TXNL4A: variants seen among roughly 807,000 people sequenced by gnomAD.
TXNL4A encodes thioredoxin like 4A, also known as thioredoxin-like protein 4A.
In TXNL4A, 17 loss-of-function variants were observed where a neutral mutation model predicts 14.6. That is an observed-to-expected ratio of 1.16 (90% CI 0.80 to 1.74). TXNL4A has a LOEUF of 1.74. Among genes scored for constraint, TXNL4A ranks in the 40% most tolerant of loss-of-function variants. TXNL4A has a pLI of 0.00. For missense variants in TXNL4A, 74 were observed against 195.2 expected (o/e 0.38, Z 3.70); for synonymous variants, 83 against 70.6 (o/e 1.18, Z -0.88).
chr18:79,988,376 G>T lies in TXNL4A; in HGVS notation c.17C>A (p.Pro6Gln). The T allele has an allele frequency of 6.5e-7, 1 of 1,530,282 alleles. No individual in the cohort carries two copies. Among genetic ancestry groups the T allele is most frequent in the Non-Finnish European group, 8.8e-7 (1 of 1,131,140 alleles). The allele number at this position is 1,530,282 out of a possible 1,614,324, so 94.8% of individuals were successfully genotyped here. MSYML[P>Q]HLHNGWQVDQ... is the part of the protein sequence containing the mutation. ...CACCTGCCAGCCGTTGTGCAGGTGCGGGAGCATGTACGACATGGCGGCCCG... is the reference window on the plus strand; with the variant it reads ...CACCTGCCAGCCGTTGTGCAGGTGCTGGAGCATGTACGACATGGCGGCCCG... Residue 6 changes from proline to glutamine, a missense_variant, in exon 1 of 3, where the codon CCG becomes CAG. Pro to Gln is a moderately conservative substitution (Grantham distance 76, BLOSUM62 -1). Around this residue, in one of 3 missense-constraint regions of TXNL4A, gnomAD observed 55 missense variants for 116.1 expected, o/e 0.47. Coordinates refer to ENST00000269601, the MANE Select transcript of TXNL4A (RefSeq NM_006701.5).
At chr18:79,989,780 T>C (rs2051612551), upstream of TXNL4A, among the ~76,000 whole-genome samples, 1 of 152,008 alleles carries the variant, frequency 6.6e-6, no homozygotes, top group South Asian at 2.1e-4. Context: ...GGATCGCCTA[T>C]GGTCGGGAGT....
chr18:80,007,689 AAAC>A (rs1449696366), intron 1 of TXNL4A, among the ~76,000 whole-genome samples: 1 of 151,986 alleles, frequency 6.6e-6, no homozygotes, highest in East Asian at 1.9e-4. Flanking sequence ...TGGCCTAAAT[AAAC>A]AATATGAGAG....
intron 1 of TXNL4A, among the ~76,000 whole-genome samples, chr18:80,018,713 G>A (rs1036445380): frequency 5.8e-4 from 89 of 152,272 alleles, no homozygotes; most frequent in African/African-American, 2.1e-3. Flanking sequence ...ACACCTCTAC[G>A]CAAATAAACT....
In TXNL4A at chr18:79,988,470, C is replaced by A. The variant is rs1259337187; in HGVS notation, c.-78G>T. On this transcript the variant is annotated 5_prime_UTR_variant, in exon 1 of 3. Coordinates refer to ENST00000269601, the MANE Select transcript of TXNL4A (RefSeq NM_006701.5). ...CGAGGTGGGCTCAGCCGGCCCCTCA[C>A]TCCCCGGCCCCCGCCGCCCCCGGGC... 8.0e-7 allele frequency: 1 copy of A among 1,253,220 alleles called. No homozygotes were observed. The highest frequency in any genetic ancestry group is 3.2e-5 in the East Asian group (1 of 31,090). The allele number at this position is 1,253,220 out of a possible 1,614,324, so 77.6% of individuals were successfully genotyped here.
At chr18:79,990,546 T>G (rs1009154224), upstream of TXNL4A, among the ~76,000 whole-genome samples, 2 of 152,228 alleles carry the variant, frequency 1.3e-5, no homozygotes, top group Non-Finnish European at 1.5e-5. Flanking sequence ...GGCTATTGCC[T>G]TCTAAAAAAT....
upstream of TXNL4A, among the ~76,000 whole-genome samples, chr18:79,989,940 G>C (rs954983328): frequency 6.6e-6 from 1 of 152,218 alleles, no homozygotes; most frequent in Non-Finnish European, 1.5e-5. Context: ...AGGTTGCAGT[G>C]AGCTGAGATC....
rs565128002 is a variant in TXNL4A, at chr18:79,972,938, T to C, written c.*747A>G. 6.6e-6 allele frequency: 1 copy of C among 152,332 alleles called. No homozygotes were observed. The highest frequency in any genetic ancestry group is 2.4e-5 in the African/African-American group (1 of 41,570). 9.4% of individuals were successfully genotyped at this position (152,332 alleles called of 1,614,324 possible). ...ATAACCAGAGTAAACCTTTGGATTCTGTCATGGATTGAATTGTGTAACCGC... is the reference window on the plus strand; with the variant it reads ...ATAACCAGAGTAAACCTTTGGATTCCGTCATGGATTGAATTGTGTAACCGC... On this transcript the variant is annotated 3_prime_UTR_variant, in exon 3 of 3. Coordinates refer to ENST00000269601, the MANE Select transcript of TXNL4A (RefSeq NM_006701.5).
chr18:80,014,450 A>C (rs2145118555), intron 1 of TXNL4A, among the ~76,000 whole-genome samples: 1 of 152,328 alleles, frequency 6.6e-6, no homozygotes, highest in East Asian at 1.9e-4. Flanking sequence ...TGCAAGTCTG[A>C]AATCCAGCAG....
At chr18:79,996,125 A>AAAAAAG in intron 1 of TXNL4A, among the ~76,000 whole-genome samples, 1 of 150,794 alleles carries the variant, frequency 6.6e-6, no homozygotes, top group Admixed American at 6.6e-5. Context: ...AAAAAAAAAA[A>AAAAAAG]AACGGCCAGG....
intron 1 of TXNL4A, among the ~76,000 whole-genome samples, chr18:79,987,611 T>G (rs1368382195): frequency 6.6e-6 from 1 of 152,220 alleles, no homozygotes; most frequent in Admixed American, 6.5e-5. Flanking sequence ...TATAAAATAG[T>G]GTCCTACAAC....
intron 1 of TXNL4A, among the ~76,000 whole-genome samples, chr18:80,004,460 G>C (rs1285186589): frequency 1.3e-5 from 2 of 152,220 alleles, no homozygotes; most frequent in Admixed American, 1.3e-4. Flanking sequence ...GGCACCGAGT[G>C]CTCCCTGTCT....
At chr18:80,012,846 T>C (rs1437596249) in intron 1 of TXNL4A, among the ~76,000 whole-genome samples, 1 of 151,778 alleles carries the variant, frequency 6.6e-6, no homozygotes, top group East Asian at 1.9e-4. Context: ...TTTTTTTTTT[T>C]GGGACCGGGG....
intron 1 of TXNL4A, 152 bp downstream of exon 1, chr18:79,988,088 C>T (rs1040043670): frequency 7.0e-6 from 7 of 999,686 alleles, no homozygotes; most frequent in Non-Finnish European, 9.3e-6. Flanking sequence ...CCCGAGAGCG[C>T]TCGACCGCAG....
rs774102247 is a variant in TXNL4A, at chr18:79,988,204, G to C, written c.153+36C>G. On this transcript the variant is annotated intron_variant, in intron 1 of 2. Transcript: ENST00000269601. Reference sequence around the variant, plus strand: ...GCAGAGGCGCGGGGCAGATGCGGAAGCACAGCCCGCAGAGCGGGAGAGTCC... The same window carrying C: ...GCAGAGGCGCGGGGCAGATGCGGAACCACAGCCCGCAGAGCGGGAGAGTCC... The C allele has an allele frequency of 2.7e-6, 4 of 1,479,456 alleles. No homozygotes were observed. The African/African-American group carries it at 4.2e-5, about 16-fold the overall frequency. The allele number at this position is 1,479,456 out of a possible 1,614,324, so 91.6% of individuals were successfully genotyped here. A position where few individuals can be genotyped will look rare whatever the true frequency, so the allele number is the denominator to read the frequency against.
upstream of TXNL4A, among the ~76,000 whole-genome samples, chr18:79,992,343 G>T (rs2051633430): frequency 6.6e-6 from 1 of 152,184 alleles, no homozygotes. Flanking sequence ...CAAAGAAAGG[G>T]ACTGGCAAAT....
intron 1 of TXNL4A, among the ~76,000 whole-genome samples, chr18:80,022,875 G>A (rs2051859000): frequency 6.6e-6 from 1 of 152,108 alleles, no homozygotes; most frequent in Non-Finnish European, 1.5e-5. Context: ...TAGTATGCAG[G>A]ACTAGTCACA....
upstream of TXNL4A, among the ~76,000 whole-genome samples, chr18:79,991,822 G>A (rs967059489): frequency 6.6e-6 from 1 of 152,198 alleles, no homozygotes; most frequent in African/African-American, 2.4e-5. Flanking sequence ...AATTTAGAAA[G>A]TTTATTTTTC....
chr18:79,995,819 A>C (rs8083389), intron 1 of TXNL4A, among the ~76,000 whole-genome samples: 119,412 of 152,156 alleles, frequency 0.78, 47,577 homozygotes, highest in East Asian at 0.91. Context: ...GACCAGGACA[A>C]CGGCCGGGCG....
chr18:80,005,094 G>C (rs932524056), intron 1 of TXNL4A, among the ~76,000 whole-genome samples: 1 of 152,240 alleles, frequency 6.6e-6, no homozygotes, highest in Non-Finnish European at 1.5e-5. Context: ...ACGTGCAGTA[G>C]AACCATGAGG....
Sources: allele counts gnomAD v4.1 joint callset (sites outside exome capture counted in the v4.1 genomes callset), GRCh38; gene constraint gnomAD v4.1.1; regional missense constraint gnomAD v4.1.1; transcripts MANE v1.5; gene names NCBI Gene and HGNC (gene_info 2026-07-23, HGNC 2026-07-21).